MAST3: variants seen among roughly 807,000 people sequenced by gnomAD.
The protein encoded by MAST3 is microtubule associated serine/threonine kinase 3.
Under a neutral mutation model 127.0 loss-of-function variants are expected in MAST3, and 43 were observed. The observed-to-expected ratio is 0.34, with a 90% CI of 0.27 to 0.44. MAST3 has a LOEUF of 0.44. Among genes scored for constraint, MAST3 ranks in the 20% least tolerant of loss-of-function variants. The probability of loss-of-function intolerance (pLI) is 1.00; values close to 1 mark genes in which losing one functional copy is unlikely to be tolerated. For synonymous variants in MAST3, 785 were observed against 809.2 expected (o/e 0.97, Z 0.51); for missense variants, 1,390 against 1,919.1 (o/e 0.72, Z 5.15).
chr19:18,105,591 T>C (rs1357555201), intron 1 of MAST3, among the ~76,000 whole-genome samples: 2 of 150,192 alleles, frequency 1.3e-5, no homozygotes, highest in African/African-American at 4.9e-5. Context: ...GAGAATCGCT[T>C]GAACCTGGGA....
chr19:18,121,969 G>C, intron 5 of MAST3, 47 bp downstream of exon 5: 1 of 1,602,844 alleles, frequency 6.2e-7, no homozygotes, highest in Non-Finnish European at 8.5e-7. Flanking sequence ...CCACGGGCAA[G>C]GGTTGGGCAG....
chr19:18,130,053 T>G (rs918169179), intron 13 of MAST3, among the ~76,000 whole-genome samples: 23 of 151,880 alleles, frequency 1.5e-4, no homozygotes, highest in African/African-American at 5.3e-4. Flanking sequence ...AGTTTGAGAC[T>G]AGCCTCCACA....
At chr19:18,107,531 A>C in intron 1 of MAST3, 56 bp from the exon 2 acceptor site, 1 of 1,576,060 alleles carries the variant, frequency 6.3e-7, no homozygotes, top group South Asian at 1.1e-5. Flanking sequence ...ATCAACGGCC[A>C]GGGGTTCTGA....
rs759410005 is a variant in MAST3 at position 18,128,904 on chromosome 19, C to T, written c.1176C>T (p.Cys392=). The T allele has an allele frequency of 2.0e-5, 32 of 1,613,726 alleles. No individual in the cohort carries two copies. The highest frequency in any genetic ancestry group is 2.7e-5 in the Non-Finnish European group (32 of 1,179,888). ...ALVGQSRRKP[C]ESDFETIKLI... ...TCGGCCAGTCACGGAGGAAGCCATG[C>T]GAAAGCGACTTTGAGACCATCAAAC... Residue 392 remains cysteine (C), a synonymous_variant, in exon 13 of 28, where the codon TGC becomes TGT. Transcript: ENST00000687212.
In MAST3 at chr19:18,147,041, A is replaced by G; in HGVS notation, c.3323A>G (p.Glu1108Gly). The G allele has an allele frequency of 6.5e-7, 1 of 1,540,508 alleles. No individual in the cohort carries two copies. Among genetic ancestry groups the G allele is most frequent in the South Asian group, 1.2e-5 (1 of 84,588 alleles). ...CGGTGCGCGGCAGTGACCACCAGGG[A>G]GCGGTACACAGGGGGCGGGGCCACG... is the stretch of plus-strand genomic sequence containing the variant. ...QDRCAAVTTR[E>G]RRKSLFKKIS... Residue 1108 changes from glutamate to glycine, a missense_variant, in exon 26 of 28, where the codon GAG (glutamate) becomes GGG (glycine). Around this residue, in one of 5 missense-constraint regions of MAST3, gnomAD observed 816 missense variants for 934.1 expected, o/e 0.87. Transcript: ENST00000687212.
chr19:18,134,751 T>G, intron 16 of MAST3, 40 bp downstream of exon 16: 2 of 1,613,292 alleles, frequency 1.2e-6, no homozygotes. Flanking sequence ...GGATGCCTCC[T>G]CCTCTCTCCT....
chr19:18,126,682 C>T (rs1412382085), intron 11 of MAST3, among the ~76,000 whole-genome samples: 1 of 152,134 alleles, frequency 6.6e-6, no homozygotes, highest in Non-Finnish European at 1.5e-5. Context: ...AGTGGGAAGA[C>T]TGCTTGAGCC....
chr19:18,112,554 C>T lies in MAST3; in HGVS notation c.161+1813C>T, dbSNP rs1218119202. On this transcript the variant is annotated intron_variant, in intron 3 of 27. Transcript: ENST00000687212. This position sits in a 1 kb window ranked among gnomAD's most constrained non-coding sequence, Gnocchi z 4.1. ...TTCACCATGTTAGCTAGGCTGGTCT[C>T]GAGCTCCCGACCTCAAGTGATTCTC... Among the ~76,000 whole-genome samples the T allele has an allele frequency of 6.6e-6, 1 of 152,150 alleles. No individual in the cohort carries two copies. The highest frequency in any genetic ancestry group is 2.4e-5 in the African/African-American group (1 of 41,410).
chr19:18,123,403 G>A (rs371334707), intron 7 of MAST3, 29 bp downstream of exon 7: 167 of 1,591,670 alleles, frequency 1.0e-4, no homozygotes, highest in Non-Finnish European at 1.3e-4. Flanking sequence ...CCCCAGCCCC[G>A]GCCCCTCCCT....
intron 3 of MAST3, among the ~76,000 whole-genome samples, chr19:18,119,913 C>G (rs558428608): frequency 9.2e-5 from 14 of 152,194 alleles, no homozygotes; most frequent in Admixed American, 9.2e-4. Context: ...TCTCCCTCCC[C>G]GCGAGATTCT....
In MAST3 at chr19:18,149,736, A is replaced by G. The variant is rs1405946811; in HGVS notation, c.*10A>G. The stretch of plus-strand genomic sequence containing the variant: ...CACCGGAAGAGACTGATCCCCTGCC[A>G]GGTCTCTCCCTGGCATCAAAGTTAC... On this transcript the variant is annotated 3_prime_UTR_variant, in exon 28 of 28. Transcript: ENST00000687212. The surrounding 1 kb of genome is among the most constrained non-coding windows in gnomAD (Gnocchi z 5.9). 1 of 1,610,782 alleles carries G rather than the reference A, an allele frequency of 6.2e-7. No individual in the cohort carries two copies. Among genetic ancestry groups the G allele is most frequent in the Admixed American group, 1.7e-5 (1 of 59,724 alleles).
intron 1 of MAST3, among the ~76,000 whole-genome samples, chr19:18,104,179 C>CAAAAAAAAAAAAAAA (rs56347763): frequency 2.3e-5 from 1 of 43,450 alleles, no homozygotes; most frequent in African/African-American, 1.1e-4. Flanking sequence ...GACGCTGTCT[C>CAAAAAAAAAAAAAAA]AAAAAAAAAA....
chr19:18,104,414 G>A (rs957230093), intron 1 of MAST3, among the ~76,000 whole-genome samples: 1 of 151,870 alleles, frequency 6.6e-6, no homozygotes, highest in African/African-American at 2.4e-5. Context: ...TGAGCGCAGA[G>A]CAGCTGAAGT....
rs2041343433 is a variant in MAST3 at position 18,131,913 on chromosome 19, C to T, written c.1437C>T (p.Gly479=). The T allele has an allele frequency of 2.5e-6, 4 of 1,586,640 alleles. No individual in the cohort carries two copies. Among genetic ancestry groups the T allele is most frequent in the Non-Finnish European group, 3.4e-6 (4 of 1,168,218 alleles). The change falls in exon 15 of 28, where the codon GGC becomes GGT. Residue 479 remains glycine (G), a synonymous_variant. Transcript: ENST00000687212. ...LCMVMEYVEG[G]DCATLLKNMG... is the part of the protein sequence containing the mutation. ...CTACATCCGCCCTTCTCCCAGGCGG[C>T]GACTGCGCCACGCTCCTGAAGAACA...
At position 18,116,090 on chromosome 19, in the gene MAST3, C is replaced by CT. The variant is rs3048876; in HGVS notation, c.161+5370dup. On this transcript the variant is annotated intron_variant, in intron 3 of 27. Coordinates refer to ENST00000687212, the MANE Select transcript of MAST3 (RefSeq NM_001393504.1). The stretch of plus-strand genomic sequence containing the variant: ...TCTCAGCCTTGGTATTTGAAATTAT[C>CT]TTTTTTTTTTTTTTTTTTTTTGAGA... Among the ~76,000 whole-genome samples the CT allele has an allele frequency of 2.5e-3, 216 of 86,314 alleles. 33 individuals are homozygous for CT. Among genetic ancestry groups the CT allele is most frequent in the African/African-American group, 9.8e-3 (179 of 18,350 alleles). The allele number at this position is 86,314 out of a possible 152,430, so 56.6% of individuals were successfully genotyped here.
intron 3 of MAST3, among the ~76,000 whole-genome samples, chr19:18,117,321 G>T (rs1019058445): frequency 4.6e-5 from 7 of 152,216 alleles, no homozygotes; most frequent in African/African-American, 1.4e-4. Context: ...TCTCATGTCA[G>T]TTCAGTTTTC....
At position 18,139,067 on chromosome 19, in the gene MAST3, TGAA is replaced by T; in HGVS notation, c.2152_2154del (p.Glu718del). 6.2e-7 allele frequency: 1 copy of T among 1,605,026 alleles called. No homozygotes were observed. The highest frequency in any genetic ancestry group is 8.5e-7 in the Non-Finnish European group (1 of 1,175,910). On this transcript the variant is annotated inframe_deletion, in exon 20 of 28. Coordinates refer to ENST00000687212, the MANE Select transcript of MAST3 (RefSeq NM_001393504.1). The stretch of plus-strand genomic sequence containing the variant: ...GCTCCGAGGACGACGAGACCAATGA[TGAA>T]GAATCGTCCACAGAGATCCCCCAGT...
intron 1 of MAST3, among the ~76,000 whole-genome samples, chr19:18,107,103 A>T (rs1225905476): frequency 6.7e-6 from 1 of 148,650 alleles, no homozygotes; most frequent in Non-Finnish European, 1.5e-5. Flanking sequence ...GGTGTGAGCC[A>T]CCGCACCCGG....
chr19:18,106,776 G>C (rs1288119257), intron 1 of MAST3, among the ~76,000 whole-genome samples: 1 of 151,248 alleles, frequency 6.6e-6, no homozygotes, highest in Admixed American at 6.6e-5. Context: ...TCACCATGTT[G>C]GCCAGGCTGG....
Sources: gnomAD v4.1 joint callset for allele counts (sites outside exome capture counted in the v4.1 genomes callset) on GRCh38, gnomAD v4.1.1 for gene constraint, gnomAD v4.1.1 regional missense constraint, Gnocchi (gnomAD v3.1) non-coding constraint, MANE v1.5 for transcripts, NCBI Gene and HGNC (gene_info 2026-07-23, HGNC 2026-07-21) for gene names.